Variants in KLHL4 observed in about 807,000 individuals in gnomAD.
KLHL4 encodes kelch like family member 4.
Under a neutral mutation model 45.8 loss-of-function variants are expected in KLHL4, and 17 were observed. That is an observed-to-expected ratio of 0.37 (90% CI 0.25 to 0.56). The LOEUF (loss-of-function observed/expected upper bound fraction) is 0.56, where lower values mean the gene tolerates loss of function less well. KLHL4 is among the 20% of genes least tolerant of loss of function. The pLI is 0.79. For missense variants in KLHL4, 544 were observed against 544.9 expected, an observed-to-expected ratio of 1.00 and a Z score of 0.02; for synonymous variants, 224 against 189.9, an observed-to-expected ratio of 1.18 and a Z score of -1.47.
At chrX:87,587,928 T>C (rs1921535106) in intron 1 of KLHL4, among the ~76,000 whole-genome samples, 1 of 111,610 alleles carries the variant, frequency 9.0e-6, no homozygotes, top group Non-Finnish European at 1.9e-5. Flanking sequence ...AGAAATCTAC[T>C]AGAACTGATC....
chrX:87,522,973 A>G (rs909352162), intron 1 of KLHL4, among the ~76,000 whole-genome samples: 4 of 111,689 alleles, frequency 3.6e-5, no homozygotes, highest in Non-Finnish European at 7.5e-5. Context: ...ACTCTCATTT[A>G]AGGATCTTGG....
chrX:87,649,570 G>GTT (rs1303269179), intron 9 of KLHL4, among the ~76,000 whole-genome samples: 3 of 111,361 alleles, frequency 2.7e-5, no homozygotes, highest in Non-Finnish European at 5.7e-5. Flanking sequence ...TTCTTTTGGT[G>GTT]TTTTATCCAA....
At chrX:87,593,123 C>T (rs1455211462) in intron 1 of KLHL4, among the ~76,000 whole-genome samples, 1 of 111,431 alleles carries the variant, frequency 9.0e-6, no homozygotes, top group African/African-American at 3.3e-5. Flanking sequence ...GTCAAGATCC[C>T]CCCTTTCTCT....
chrX:87,638,270 T>A (rs184855428), intron 9 of KLHL4, among the ~76,000 whole-genome samples: 3 of 112,204 alleles, frequency 2.7e-5, no homozygotes, highest in Admixed American at 1.9e-4. Flanking sequence ...AAAACATATT[T>A]GAGGGGATAA....
At chrX:87,598,686 T>C (rs1921917040) in intron 1 of KLHL4, among the ~76,000 whole-genome samples, 2 of 111,613 alleles carry the variant, frequency 1.8e-5, no homozygotes, top group Admixed American at 1.9e-4. Context: ...ATAATAGATT[T>C]TTTGAGAACT....
intron 9 of KLHL4, among the ~76,000 whole-genome samples, chrX:87,643,169 A>T (rs1366629976): frequency 1.8e-5 from 2 of 112,001 alleles, no homozygotes; most frequent in Non-Finnish European, 3.8e-5. Flanking sequence ...ATAGACCATT[A>T]GCAAGATTAA....
Position 87,548,491 on chromosome X carries a change from T to C in KLHL4, c.422+30176T>C, listed in dbSNP as rs191613121. Among the ~76,000 whole-genome samples the C allele has an allele frequency of 2.9e-4, 32 of 111,813 alleles. 1 individual carries two copies. The East Asian group carries it at 9.0e-3, about 32-fold the overall frequency. On this transcript the variant is annotated intron_variant, in intron 1 of 10. Transcript: ENST00000373119. ...ACACAGAATATTATAACACTGTAAC[T>C]GTGTTGTGTAAACAACTTTTATTCT...
At chrX:87,625,506 C>CA in intron 5 of KLHL4, 104 bp from the exon 6 acceptor site, 3 of 641,688 alleles carry the variant, frequency 4.7e-6, no homozygotes, top group Non-Finnish European at 6.9e-6. Flanking sequence ...GCTGGAATTA[C>CA]AGGTGTACGC....
At chrX:87,553,164 G>T (rs1931872933) in intron 1 of KLHL4, among the ~76,000 whole-genome samples, 1 of 110,317 alleles carries the variant, frequency 9.1e-6, no homozygotes, top group African/African-American at 3.3e-5. Context: ...TGATAATGTG[G>T]TTAGCTCTGG....
intron 9 of KLHL4, among the ~76,000 whole-genome samples, chrX:87,646,350 CT>C (rs2147833421): frequency 9.0e-6 from 1 of 111,432 alleles, no homozygotes; most frequent in African/African-American, 3.3e-5. Context: ...ATGCATTTGC[CT>C]TTATAATACC....
At chrX:87,591,939 T>G (rs1340043901) in intron 1 of KLHL4, among the ~76,000 whole-genome samples, 1 of 110,351 alleles carries the variant, frequency 9.1e-6, no homozygotes, top group African/African-American at 3.3e-5. Context: ...GTGCTACTAA[T>G]TACTGGATAT....
intron 9 of KLHL4, among the ~76,000 whole-genome samples, chrX:87,662,639 A>G (rs1924226854): frequency 9.0e-6 from 1 of 111,327 alleles, no homozygotes; most frequent in African/African-American, 3.3e-5. Context: ...GTAGAAAGTC[A>G]CTTAAAGGGG....
intron 5 of KLHL4, among the ~76,000 whole-genome samples, chrX:87,623,691 A>G (rs1433948204): frequency 9.0e-6 from 1 of 111,324 alleles, no homozygotes; most frequent in Non-Finnish European, 1.9e-5. Flanking sequence ...AAGAACGTTG[A>G]TTACCCTTCT....
At chrX:87,661,390 T>G (rs1924184592) in intron 9 of KLHL4, among the ~76,000 whole-genome samples, 3 of 111,702 alleles carry the variant, frequency 2.7e-5, no homozygotes, top group Admixed American at 9.5e-5. Flanking sequence ...AATAATCATT[T>G]TTATTCCCAT....
At chrX:87,639,075 AG>A (rs1023879431) in intron 9 of KLHL4, among the ~76,000 whole-genome samples, 4 of 111,744 alleles carry the variant, frequency 3.6e-5, no homozygotes, top group Non-Finnish European at 5.6e-5. Context: ...CAAACTTTAA[AG>A]CAACAACAGT....
At chrX:87,642,897 G>A (rs1923510874) in intron 9 of KLHL4, among the ~76,000 whole-genome samples, 1 of 111,811 alleles carries the variant, frequency 8.9e-6, no homozygotes, top group Non-Finnish European at 1.9e-5. Flanking sequence ...AAGAAGTCTG[G>A]CGTTATGTTA....
At chrX:87,537,992 G>A (rs921963680) in intron 1 of KLHL4, among the ~76,000 whole-genome samples, 5 of 111,408 alleles carry the variant, frequency 4.5e-5, no homozygotes, top group African/African-American at 1.3e-4. Context: ...AAATACTAAC[G>A]CATGAATAAA....
chrX:87,650,480 T>A (rs975325074), intron 9 of KLHL4, among the ~76,000 whole-genome samples: 1 of 112,547 alleles, frequency 8.9e-6, no homozygotes, highest in South Asian at 3.7e-4. Context: ...TCTTTCTTAA[T>A]CTCTTACTTT....
chrX:87,606,832 A>G lies in KLHL4; in HGVS notation c.423-7045A>G, dbSNP rs1322260502. ...GTAGAAACTATTTTCTTTATTTTCA[A>G]GAGTTTACATTTGGACAGAGTTTAC... On this transcript the variant is annotated intron_variant, in intron 1 of 10. Coordinates refer to ENST00000373119, the MANE Select transcript of KLHL4 (RefSeq NM_019117.5). 4.5e-5 allele frequency among the ~76,000 whole-genome samples: 5 copies of G among 111,857 alleles called. No homozygotes were observed. In the Admixed American group the frequency reaches 4.8e-4, roughly 11 times the overall value.
Sources: gnomAD v4.1 joint callset for allele counts (sites outside exome capture counted in the v4.1 genomes callset) on GRCh38, gnomAD v4.1.1 for gene constraint, MANE v1.5 for transcripts, NCBI Gene and HGNC (gene_info 2026-07-23, HGNC 2026-07-21) for gene names.